UBE2L3: variants seen among roughly 807,000 people sequenced by gnomAD.
UBE2L3 encodes ubiquitin-conjugating enzyme E2 L3.
In UBE2L3, 1 loss-of-function variant was observed where a neutral mutation model predicts 17.8. The ratio of observed to expected loss-of-function variants is 0.06; its 90% CI spans 0.02 to 0.27. The LOEUF (loss-of-function observed/expected upper bound fraction) is 0.27. Among genes scored for constraint, UBE2L3 ranks in the 10% least tolerant of loss-of-function variants. The pLI, the probability that UBE2L3 is intolerant of heterozygous loss-of-function variation, is 1.00. For synonymous variants in UBE2L3, 44 were observed against 68.5 expected (o/e 0.64, Z 1.76); for missense variants, 40 against 192.6 (o/e 0.21, Z 4.69).
chr22:21,583,436 C>A (rs1927754128), intron 1 of UBE2L3, among the ~76,000 whole-genome samples: 1 of 152,220 alleles, frequency 6.6e-6, no homozygotes, highest in Non-Finnish European at 1.5e-5. Flanking sequence ...TATAAAATGA[C>A]ACAGTGGTAT....
At chr22:21,567,919 A>T (rs941945237) in intron 1 of UBE2L3, 148 bp downstream of exon 1, 1 of 1,497,008 alleles carries the variant, frequency 6.7e-7, no homozygotes. Flanking sequence ...CGCAGGCTCA[A>T]GGTGCTAACG....
chr22:21,567,880 A>C, intron 1 of UBE2L3, 109 bp downstream of exon 1: 1 of 1,541,472 alleles, frequency 6.5e-7, no homozygotes, highest in Non-Finnish European at 8.8e-7. Context: ...TTCCTGCCCT[A>C]CACGGCCTCG....
At chr22:21,574,992 C>T (rs951260048) in intron 1 of UBE2L3, among the ~76,000 whole-genome samples, 8 of 151,378 alleles carry the variant, frequency 5.3e-5, no homozygotes, top group Admixed American at 6.6e-5. Context: ...CGCAGTAGCT[C>T]ACACCTGTAA....
chr22:21,612,839 GT>G (rs1213441928), intron 3 of UBE2L3, among the ~76,000 whole-genome samples: 3 of 151,056 alleles, frequency 2.0e-5, no homozygotes, highest in African/African-American at 7.3e-5. Flanking sequence ...GTTTCACCAC[GT>G]TGACCAGGCT....
At chr22:21,612,179 G>T (rs1378210686) in intron 3 of UBE2L3, among the ~76,000 whole-genome samples, 4 of 152,168 alleles carry the variant, frequency 2.6e-5, no homozygotes, top group African/African-American at 7.2e-5. Context: ...GTGCCCATTA[G>T]ACTCCCACAC....
chr22:21,581,427 C>T (rs952116175), intron 1 of UBE2L3, among the ~76,000 whole-genome samples: 1 of 151,984 alleles, frequency 6.6e-6, no homozygotes, highest in African/African-American at 2.4e-5. Context: ...TGGCCTCAAG[C>T]GATCCTCCTA....
At chr22:21,568,099 C>T in intron 1 of UBE2L3, 1 of 1,140,242 alleles carries the variant, frequency 8.8e-7, no homozygotes, top group African/African-American at 1.6e-5. Context: ...ATGTGAGAGC[C>T]CGGTTGGGAG....
chr22:21,589,909 C>T (rs988483812), intron 1 of UBE2L3, among the ~76,000 whole-genome samples: 1 of 152,140 alleles, frequency 6.6e-6, no homozygotes, highest in Non-Finnish European at 1.5e-5. Flanking sequence ...CTGTCATTAG[C>T]ATCCTCAGGG....
intron 2 of UBE2L3, among the ~76,000 whole-genome samples, chr22:21,598,030 G>C (rs904101942): frequency 2.0e-5 from 3 of 147,652 alleles, no homozygotes; most frequent in Admixed American, 1.4e-4. Context: ...TGAACTCCTA[G>C]ACTCAAGTGA....
chr22:21,572,952 A>C (rs1269827488), intron 1 of UBE2L3, among the ~76,000 whole-genome samples: 2 of 152,020 alleles, frequency 1.3e-5, no homozygotes, highest in Non-Finnish European at 1.5e-5. Flanking sequence ...CTATGCCTTC[A>C]GTCTCTCTTC....
chr22:21,594,862 G>A (rs1471136464), intron 2 of UBE2L3, among the ~76,000 whole-genome samples: 1 of 152,194 alleles, frequency 6.6e-6, no homozygotes, highest in Non-Finnish European at 1.5e-5. Context: ...ACTGAGCAAA[G>A]AAATGAACAG....
intron 1 of UBE2L3, among the ~76,000 whole-genome samples, chr22:21,580,061 G>A (rs1927538909): frequency 6.6e-6 from 1 of 152,192 alleles, no homozygotes; most frequent in East Asian, 1.9e-4. Flanking sequence ...TGTTTTTGTT[G>A]ATGTAAATAT....
At position 21,597,354 on chromosome 22, in the gene UBE2L3, T is replaced by G. The variant is rs190109665; in HGVS notation, c.123+4398T>G. ...AGGGGTCTTGCTCTGTCATCCAGGC[T>G]GGAGTGCAGTGGCTCAATAATGGCT... On this transcript the variant is annotated intron_variant, in intron 2 of 3. Coordinates refer to ENST00000342192, the MANE Select transcript of UBE2L3 (RefSeq NM_003347.4). Among the ~76,000 whole-genome samples, 34 of 152,326 alleles carry G rather than the reference T, an allele frequency of 2.2e-4. No individual in the cohort carries two copies. The East Asian group carries it at 6.4e-3, about 28-fold the overall frequency.
chr22:21,619,784 C>T (rs953140667), intron 3 of UBE2L3, among the ~76,000 whole-genome samples: 3 of 152,124 alleles, frequency 2.0e-5, no homozygotes, highest in Admixed American at 6.5e-5. Flanking sequence ...TGCCGTCTCC[C>T]GGGTTCAAGC....
At chr22:21,560,821 C>T (rs1259721902) in intron 1 of UBE2L3, among the ~76,000 whole-genome samples, 36 of 151,168 alleles carry the variant, frequency 2.4e-4, no homozygotes, top group Non-Finnish European at 2.2e-4. Context: ...CCCAAAGGCA[C>T]GAGTAGCAAT....
At chr22:21,610,747 T>C in intron 2 of UBE2L3, 110 bp from the exon 3 acceptor site, 1 of 1,256,916 alleles carries the variant, frequency 8.0e-7, no homozygotes, top group Non-Finnish European at 1.1e-6. Flanking sequence ...AGTTGATACT[T>C]GAATCCCTTG....
intron 1 of UBE2L3, among the ~76,000 whole-genome samples, chr22:21,559,730 C>G (rs1344893067): frequency 6.6e-6 from 1 of 151,908 alleles, no homozygotes; most frequent in East Asian, 1.9e-4. Flanking sequence ...TGCCCACCAC[C>G]CTCAGGGCAC....
At chr22:21,556,874 T>G (rs1319697644) in intron 1 of UBE2L3, among the ~76,000 whole-genome samples, 5 of 152,158 alleles carry the variant, frequency 3.3e-5, no homozygotes, top group African/African-American at 1.2e-4. Context: ...GCCAATATGG[T>G]GAAACCCTGT....
At chr22:21,612,646 T>TC in intron 3 of UBE2L3, among the ~76,000 whole-genome samples, 1 of 93,898 alleles carries the variant, frequency 1.1e-5, no homozygotes, top group Non-Finnish European at 2.0e-5. Context: ...TTCTTTTCTT[T>TC]TTTTTTTTTT....
Sources: gnomAD v4.1 joint callset for allele counts (sites outside exome capture counted in the v4.1 genomes callset) on GRCh38, gnomAD v4.1.1 for gene constraint, MANE v1.5 for transcripts, NCBI Gene and HGNC (gene_info 2026-07-23, HGNC 2026-07-21) for gene names.